GATAD2B: variants seen among roughly 807,000 people sequenced by gnomAD.
The protein encoded by GATAD2B is GATA zinc finger domain containing 2B.
Under a neutral mutation model 64.3 loss-of-function variants are expected in GATAD2B, and 8 were observed. The observed-to-expected ratio is 0.12, with a 90% CI of 0.07 to 0.22. The LOEUF is 0.22. Ranked by LOEUF, GATAD2B falls within the 10% of genes least tolerant of loss-of-function variation. The probability of loss-of-function intolerance (pLI) is 1.00; values close to 1 mark genes in which losing one functional copy is unlikely to be tolerated. For synonymous variants in GATAD2B, 281 were observed against 271.3 expected, an observed-to-expected ratio of 1.04 and a Z score of -0.35; for missense variants, 453 against 752.0, an observed-to-expected ratio of 0.60 and a Z score of 4.65.
intron 1 of GATAD2B, among the ~76,000 whole-genome samples, chr1:153,853,810 C>T (rs1675991045): frequency 1.3e-5 from 2 of 152,124 alleles, no homozygotes; most frequent in Admixed American, 1.3e-4. Context: ...CATTATTTTG[C>T]TGTGGATATC....
At chr1:153,858,772 G>T (rs1198989356) in intron 1 of GATAD2B, among the ~76,000 whole-genome samples, 1 of 151,986 alleles carries the variant, frequency 6.6e-6, no homozygotes, top group Non-Finnish European at 1.5e-5. Context: ...TATGTATGTG[G>T]GTATATATGT....
At chr1:153,860,410 C>T (rs1178983575) in intron 1 of GATAD2B, among the ~76,000 whole-genome samples, 2 of 152,034 alleles carry the variant, frequency 1.3e-5, no homozygotes, top group African/African-American at 4.8e-5. Context: ...TCAAAACTTC[C>T]TGTAACCTTG....
intron 1 of GATAD2B, among the ~76,000 whole-genome samples, chr1:153,903,605 G>A (rs779271465): frequency 6.6e-6 from 1 of 152,138 alleles, no homozygotes; most frequent in African/African-American, 2.4e-5. Context: ...TAAGCAACAG[G>A]AAAAGTACAG....
At chr1:153,818,339 G>C (rs1380156722) in intron 4 of GATAD2B, among the ~76,000 whole-genome samples, 168 bp from the exon 5 acceptor site, 1 of 128,786 alleles carries the variant, frequency 7.8e-6, no homozygotes, top group African/African-American at 3.0e-5. Context: ...TTTTGAGACA[G>C]AGTCTTGCTC....
chr1:153,814,469 C>A (rs558031761), intron 7 of GATAD2B, among the ~76,000 whole-genome samples: 14 of 152,286 alleles, frequency 9.2e-5, no homozygotes, highest in African/African-American at 3.4e-4. Flanking sequence ...CAAAAACACT[C>A]ACATTAAAAA....
At chr1:153,906,628 CA>C (rs1266625105) in intron 1 of GATAD2B, among the ~76,000 whole-genome samples, 2 of 149,866 alleles carry the variant, frequency 1.3e-5, no homozygotes, top group African/African-American at 4.9e-5. Flanking sequence ...AAAGCACAGG[CA>C]AAAAAGGAAA....
At chr1:153,921,719 G>A (rs1343299299) in intron 1 of GATAD2B, 1 of 152,380 alleles carries the variant, frequency 6.6e-6, no homozygotes, top group Non-Finnish European at 1.5e-5. Context: ...AGCTAGCTCA[G>A]TTAGCATCCA....
chr1:153,915,950 AGAC>A (rs1468637655), intron 1 of GATAD2B, among the ~76,000 whole-genome samples: 3 of 152,170 alleles, frequency 2.0e-5, no homozygotes, highest in Non-Finnish European at 4.4e-5. Flanking sequence ...AGTAAGTGTT[AGAC>A]TATTTTGAAG....
chr1:153,887,628 A>G (rs1038832394), intron 1 of GATAD2B, among the ~76,000 whole-genome samples: 2 of 152,078 alleles, frequency 1.3e-5, no homozygotes, highest in African/African-American at 4.8e-5. Context: ...TTAAAGAGAC[A>G]AGGTTTCGCT....
intron 1 of GATAD2B, among the ~76,000 whole-genome samples, chr1:153,895,778 T>G (rs1185779050): frequency 3.9e-5 from 6 of 152,122 alleles, no homozygotes; most frequent in African/African-American, 1.4e-4. Flanking sequence ...AGATTCTAAG[T>G]CTGATGCTCA....
intron 1 of GATAD2B, among the ~76,000 whole-genome samples, chr1:153,874,467 C>T (rs1676763913): frequency 1.3e-5 from 2 of 152,104 alleles, no homozygotes; most frequent in African/African-American, 4.8e-5. Context: ...TGTCAATAGA[C>T]CCTCCCTTCT....
chr1:153,849,812 A>T (rs895958376), intron 1 of GATAD2B, among the ~76,000 whole-genome samples: 21 of 151,986 alleles, frequency 1.4e-4, no homozygotes, highest in Non-Finnish European at 3.1e-4. Context: ...TTGTATTTTT[A>T]GCAGAGGTTA....
In GATAD2B at chr1:153,840,681, C is replaced by T. The variant is rs181404667; in HGVS notation, c.-1-12333G>A. Among the ~76,000 whole-genome samples the T allele has an allele frequency of 8.9e-4, 136 of 152,248 alleles. 1 individual carries two copies. The highest frequency in any genetic ancestry group is 6.8e-3 in the Middle Eastern group (2 of 294). ...AATACTTTCATAAGTTCTAGTTTAT[C>T]TTTTTAAAATCTAAAAACTTTGAAG... On this transcript the variant is annotated intron_variant, in intron 1 of 10. Transcript: ENST00000368655.
rs903318839 is a variant in GATAD2B at position 153,806,111 on chromosome 1, T to C, written c.*4066A>G. 6.6e-6 allele frequency: 1 copy of C among 152,208 alleles called. No homozygotes were observed. Among genetic ancestry groups the C allele is most frequent in the African/African-American group, 2.4e-5 (1 of 41,438 alleles). The allele number at this position is 152,208 out of a possible 1,614,324, so 9.4% of individuals were successfully genotyped here. ...AAGCTTGACACTGAATTTTGTTATA[T>C]AGGTATATTGTATATATGCTGATGC... On this transcript the variant is annotated 3_prime_UTR_variant, in exon 11 of 11. Transcript: ENST00000368655.
Position 153,804,855 on chromosome 1 carries a change from CAGCATCTGAAACAGATGGG to C in GATAD2B, c.*5303_*5321del, listed in dbSNP as rs1270451061. ...AATCTGTCACTGCTGAAATGCTCAGCAGCATCTGAAACAGATGGGAGTGTATTTGCCTTTTTGAAAACCA... is the reference window on the plus strand; with the variant it reads ...AATCTGTCACTGCTGAAATGCTCAGCAGTGTATTTGCCTTTTTGAAAACCA... On this transcript the variant is annotated 3_prime_UTR_variant, in exon 11 of 11. Transcript: ENST00000368655. 1.3e-5 allele frequency: 2 copies of C among 152,590 alleles called. No homozygotes were observed. The highest frequency in any genetic ancestry group is 1.3e-4 in the Admixed American group (2 of 15,280). 9.5% of individuals were successfully genotyped at this position (152,590 alleles called of 1,614,324 possible). A position where few individuals can be genotyped will look rare whatever the true frequency, so the allele number is the denominator to read the frequency against.
At chr1:153,887,944 G>A (rs912527310) in intron 1 of GATAD2B, among the ~76,000 whole-genome samples, 7 of 151,904 alleles carry the variant, frequency 4.6e-5, no homozygotes, top group Non-Finnish European at 1.0e-4. Context: ...AAAATTAGCC[G>A]GGCATGGTGG....
intron 1 of GATAD2B, among the ~76,000 whole-genome samples, chr1:153,839,286 A>G (rs1397153784): frequency 1.3e-5 from 2 of 152,084 alleles, no homozygotes; most frequent in Non-Finnish European, 2.9e-5. Flanking sequence ...TGACAACATT[A>G]AACCAAAACC....
chr1:153,839,695 T>A (rs1256530737), intron 1 of GATAD2B, among the ~76,000 whole-genome samples: 1 of 152,086 alleles, frequency 6.6e-6, no homozygotes, highest in African/African-American at 2.4e-5. Flanking sequence ...GAAGGCTGGG[T>A]GCAGTGGCTC....
At chr1:153,850,943 G>A (rs1415691550) in intron 1 of GATAD2B, among the ~76,000 whole-genome samples, 1 of 150,148 alleles carries the variant, frequency 6.7e-6, no homozygotes, top group Non-Finnish European at 1.5e-5. Context: ...GTTTTTTTTT[G>A]TTTTATTGTG....
Sources: allele counts gnomAD v4.1 joint callset (sites outside exome capture counted in the v4.1 genomes callset), GRCh38; gene constraint gnomAD v4.1.1; transcripts MANE v1.5; gene names NCBI Gene and HGNC (gene_info 2026-07-23, HGNC 2026-07-21).